The following OLFM1 variants were observed in gnomAD, a reference collection of about 807,000 sequenced individuals.
The protein encoded by OLFM1 is olfactomedin 1.
Under a neutral mutation model 49.7 loss-of-function variants are expected in OLFM1, and 9 were observed. The observed-to-expected ratio is 0.18, with a 90% CI of 0.11 to 0.32. The LOEUF (loss-of-function observed/expected upper bound fraction) is 0.32, where lower values mean the gene tolerates loss of function less well. Among genes scored for constraint, OLFM1 ranks in the 10% least tolerant of loss-of-function variants. OLFM1 has a pLI of 1.00. For missense variants in OLFM1, 369 were observed against 661.8 expected, an observed-to-expected ratio of 0.56 and a Z score of 4.85; for synonymous variants, 240 against 271.8, an observed-to-expected ratio of 0.88 and a Z score of 1.15.
chr9:135,113,983 G>A lies in OLFM1; in HGVS notation c.784-5521G>A, dbSNP rs1204294043. On this transcript the variant is annotated intron_variant, in intron 5 of 5. Coordinates refer to ENST00000371793, the MANE Select transcript of OLFM1 (RefSeq NM_001282611.2). This position sits in a 1 kb window ranked among gnomAD's most constrained non-coding sequence, Gnocchi z 4.0. Reference sequence around the variant, plus strand: ...CTCGTGGCTCCATGTGTTCCTGGCTGTGGCTGCATCACTCCAGTCTCTGCC... The same window carrying A: ...CTCGTGGCTCCATGTGTTCCTGGCTATGGCTGCATCACTCCAGTCTCTGCC... Among the ~76,000 whole-genome samples the A allele has an allele frequency of 2.0e-5, 3 of 152,202 alleles. No individual in the cohort carries two copies. The highest frequency in any genetic ancestry group is 6.5e-5 in the Admixed American group (1 of 15,276).
chr9:135,112,689 G>A (rs1831039364), intron 5 of OLFM1, among the ~76,000 whole-genome samples: 1 of 152,240 alleles, frequency 6.6e-6, no homozygotes, highest in Non-Finnish European at 1.5e-5. Flanking sequence ...GGGCCGCTGT[G>A]GATGCCTTGA....
chr9:135,089,746 G>A (rs2119101174), intron 1 of OLFM1, among the ~76,000 whole-genome samples: 1 of 152,290 alleles, frequency 6.6e-6, no homozygotes, highest in Admixed American at 6.5e-5. Flanking sequence ...GCGAGGCTTG[G>A]TGGTGCCAGC....
At chr9:135,082,215 A>C (rs1183074585) in intron 1 of OLFM1, among the ~76,000 whole-genome samples, 1 of 152,160 alleles carries the variant, frequency 6.6e-6, no homozygotes, top group East Asian at 1.9e-4. Flanking sequence ...GAAAGAGTGT[A>C]AGGGGGAGAT....
At chr9:135,081,163 G>A (rs1465704478) in intron 1 of OLFM1, among the ~76,000 whole-genome samples, 1 of 152,120 alleles carries the variant, frequency 6.6e-6, no homozygotes, top group Non-Finnish European at 1.5e-5. Flanking sequence ...GGACACACAG[G>A]CGTGGGGAGG....
intron 3 of OLFM1, among the ~76,000 whole-genome samples, chr9:135,096,834 G>A (rs1270597586): frequency 6.6e-6 from 1 of 152,194 alleles, no homozygotes; most frequent in African/African-American, 2.4e-5. Context: ...AGAGATGCCA[G>A]CCTCCTTTCC....
chr9:135,082,311 A>T (rs890218579), intron 1 of OLFM1, among the ~76,000 whole-genome samples: 1 of 152,144 alleles, frequency 6.6e-6, no homozygotes, highest in Non-Finnish European at 1.5e-5. Context: ...AAGTGGTTCC[A>T]TTCCAGCTAG....
At chr9:135,106,588 T>G in intron 4 of OLFM1, 161 bp from the exon 5 acceptor site, 1 of 593,990 alleles carries the variant, frequency 1.7e-6, no homozygotes, top group Non-Finnish European at 3.0e-6. Context: ...GAGTTGTCTG[T>G]GAAAACAAGG....
At chr9:135,114,353 GA>G (rs759629386) in intron 5 of OLFM1, among the ~76,000 whole-genome samples, 5 of 151,874 alleles carry the variant, frequency 3.3e-5, no homozygotes, top group Non-Finnish European at 7.4e-5. Context: ...CTGACCTCGT[GA>G]TCCGCCCACC....
At chr9:135,083,385 A>C (rs1008694130), upstream of OLFM1, among the ~76,000 whole-genome samples, 3 of 152,280 alleles carry the variant, frequency 2.0e-5, no homozygotes, top group South Asian at 4.1e-4. Flanking sequence ...CGGAGGGTGC[A>C]TGAAGGGTCT....
chr9:135,075,753 A>G (rs1201179345), exon 1 of OLFM1: 10 of 1,606,464 alleles, frequency 6.2e-6, no homozygotes, highest in South Asian at 1.1e-5. Flanking sequence ...CCGGCCCGGA[A>G]GCTCCTCAGC....
rs774322066 is a variant in OLFM1, at chr9:135,119,561, G to A, written c.841G>A (p.Val281Ile). Residue 281 changes from valine to isoleucine, a missense_variant, in exon 6 of 6, where the codon GTT (valine) becomes ATT (isoleucine). Coordinates refer to ENST00000371793, the MANE Select transcript of OLFM1 (RefSeq NM_001282611.2). Reference protein sequence around the residue: ...NRFVREYKSMVDFMNTDNFTS... With the variant: ...NRFVREYKSMIDFMNTDNFTS... ...CTTCGTACGTGAGTACAAGTCCATG[G>A]TTGACTTCATGAACACGGACAATTT... The A allele has an allele frequency of 6.2e-7, 1 of 1,613,970 alleles. No individual in the cohort carries two copies.
chr9:135,096,542 G>A (rs2119116072), intron 3 of OLFM1, among the ~76,000 whole-genome samples: 1 of 152,374 alleles, frequency 6.6e-6, no homozygotes, highest in East Asian at 1.9e-4. Context: ...GGCGGCCTGA[G>A]TGGTGGCAGC....
chr9:135,116,748 G>A (rs1204083210), intron 5 of OLFM1, among the ~76,000 whole-genome samples: 1 of 151,898 alleles, frequency 6.6e-6, no homozygotes, highest in Non-Finnish European at 1.5e-5. Context: ...TTGTGGCAGT[G>A]TCATTAAGGG....
At chr9:135,103,634 G>C (rs995217778) in intron 4 of OLFM1, among the ~76,000 whole-genome samples, 1 of 152,262 alleles carries the variant, frequency 6.6e-6, no homozygotes, top group Non-Finnish European at 1.5e-5. Context: ...GCCTGGGGCA[G>C]AGCCGCCCTC....
At chr9:135,116,999 T>C (rs1831105282) in intron 5 of OLFM1, among the ~76,000 whole-genome samples, 1 of 152,176 alleles carries the variant, frequency 6.6e-6, no homozygotes, top group African/African-American at 2.4e-5. Context: ...ATGCCAAGTC[T>C]GAAAGCTCCC....
intron 2 of OLFM1, among the ~76,000 whole-genome samples, 181 bp downstream of exon 2, chr9:135,090,525 CGGATGGGTGGAT>C (rs771204766): frequency 6.6e-5 from 10 of 151,160 alleles, no homozygotes; most frequent in Non-Finnish European, 7.4e-5. Flanking sequence ...GGTGGATGGA[CGGATGGGTGGAT>C]GGGTGGGTGG....
rs1322938084 is a variant in OLFM1, at chr9:135,119,967, A to G, written c.1247A>G (p.Asn416Ser). The G allele has an allele frequency of 1.2e-6, 2 of 1,613,624 alleles. No individual in the cohort carries two copies. Among genetic ancestry groups the G allele is most frequent in the Admixed American group, 1.7e-5 (1 of 60,024 alleles). Residue 416 changes from asparagine (N) to serine (S), a missense_variant, in exon 6 of 6, where the codon AAC becomes AGC. Coordinates refer to ENST00000371793, the MANE Select transcript of OLFM1 (RefSeq NM_001282611.2). ...ATCTGCGGCACGCTGTACGTCACCA[A>G]CGGCTACTCAGGGGGTACCAAGGTC... ...FIICGTLYVTNGYSGGTKVHY... is the reference protein window; with the variant it reads ...FIICGTLYVTSGYSGGTKVHY...
At chr9:135,084,961 G>A (rs555069705), upstream of OLFM1, among the ~76,000 whole-genome samples, 5 of 152,338 alleles carry the variant, frequency 3.3e-5, no homozygotes, top group South Asian at 6.2e-4. This position sits in a 1 kb window ranked among gnomAD's most constrained non-coding sequence, Gnocchi z 4.6. Context: ...AATAGCCCAC[G>A]TGTGTCCGCC....
intron 2 of OLFM1, among the ~76,000 whole-genome samples, chr9:135,091,160 A>T (rs988597456): frequency 1.3e-5 from 2 of 151,746 alleles, no homozygotes; most frequent in Non-Finnish European, 2.9e-5. Context: ...AGTCTCCTCC[A>T]CTCCCCACTT....
Sources: allele counts gnomAD v4.1 joint callset (sites outside exome capture counted in the v4.1 genomes callset), GRCh38; gene constraint gnomAD v4.1.1; non-coding constraint Gnocchi (gnomAD v3.1); transcripts MANE v1.5; gene names NCBI Gene and HGNC (gene_info 2026-07-23, HGNC 2026-07-21).